Variants in FOCAD observed in about 807,000 individuals in gnomAD.
FOCAD encodes focadhesin, also known as KIAA1797.
FOCAD carries 198 observed loss-of-function variants against 225.6 expected under a neutral mutation model. The observed-to-expected ratio is 0.88, with a 90% CI of 0.78 to 0.99. The LOEUF (loss-of-function observed/expected upper bound fraction) is 0.99. Ranked by LOEUF, FOCAD falls within the 50% of genes least tolerant of loss-of-function variation. FOCAD has a pLI of 0.00. For synonymous variants in FOCAD, 897 were observed against 755.0 expected (o/e 1.19, Z -3.08); for missense variants, 2,713 against 2,123.6 (o/e 1.28, Z -5.46).
intron 11 of FOCAD, among the ~76,000 whole-genome samples, chr9:20,795,784 GA>G (rs1161085446): frequency 0.26 from 10,970 of 41,774 alleles, 275 homozygotes; most frequent in Middle Eastern, 0.35. Context: ...ACTCTGTCTC[GA>G]AAAAAAAAAA....
intron 1 of FOCAD, among the ~76,000 whole-genome samples, chr9:20,710,046 C>T (rs1824706377): frequency 6.6e-6 from 1 of 152,110 alleles, no homozygotes; most frequent in South Asian, 2.1e-4. Context: ...CATTCTGGGC[C>T]TGGATCAGAG....
intron 2 of FOCAD, among the ~76,000 whole-genome samples, chr9:20,669,681 A>T (rs1821998293): frequency 6.6e-6 from 1 of 152,270 alleles, no homozygotes; most frequent in South Asian, 2.1e-4. Context: ...AGGCTGAGGC[A>T]TGAGAATCGC....
intron 15 of FOCAD, among the ~76,000 whole-genome samples, chr9:20,862,297 C>T (rs1374605961): frequency 2.6e-5 from 4 of 151,600 alleles, no homozygotes; most frequent in East Asian, 1.9e-4. Flanking sequence ...TTGTGTGTGT[C>T]GGTGGGAGTG....
At chr9:20,750,589 G>C (rs1311710399) in intron 5 of FOCAD, among the ~76,000 whole-genome samples, 1 of 152,184 alleles carries the variant, frequency 6.6e-6, no homozygotes, top group East Asian at 1.9e-4. Flanking sequence ...TGACCTGACT[G>C]CCTGGTTTGT....
chr9:20,790,374 TC>T (rs1820394007), intron 11 of FOCAD, among the ~76,000 whole-genome samples: 1 of 152,244 alleles, frequency 6.6e-6, no homozygotes, highest in South Asian at 2.1e-4. Flanking sequence ...TGCTTGTGTT[TC>T]TTTTCAAGAA....
At chr9:20,664,641 CTT>C (rs558613749) in intron 2 of FOCAD, among the ~76,000 whole-genome samples, 2 of 138,506 alleles carry the variant, frequency 1.4e-5, no homozygotes, top group Non-Finnish European at 3.1e-5. Flanking sequence ...TCTTTCCTTT[CTT>C]TTTTTTTTTT....
At position 20,770,019 on chromosome 9, in the gene FOCAD, C is replaced by G. The variant is rs371251129; in HGVS notation, c.700-13C>G. 2.1e-5 allele frequency: 33 copies of G among 1,607,662 alleles called. No individual in the cohort carries two copies. The highest frequency in any genetic ancestry group is 2.7e-5 in the Non-Finnish European group (32 of 1,175,468). On this transcript the variant is annotated splice_polypyrimidine_tract_variant and intron_variant, in intron 7 of 43. Coordinates refer to ENST00000338382, the MANE Select transcript of FOCAD (RefSeq NM_001375567.1). Reference sequence around the variant, plus strand: ...TGTATTTTTTAATATCATATAATGACTTTTTTAAACAGGTAAAAGATTTGA... The same window carrying G: ...TGTATTTTTTAATATCATATAATGAGTTTTTTAAACAGGTAAAAGATTTGA...
intron 18 of FOCAD, chr9:20,874,078 A>C (rs1250805394): frequency 2.0e-5 from 3 of 152,160 alleles, no homozygotes; most frequent in Admixed American, 6.5e-5. Context: ...CAGCCACAAA[A>C]ATCCTCAAAA....
At chr9:20,963,109 A>T (rs1405513104) in intron 35 of FOCAD, among the ~76,000 whole-genome samples, 1 of 152,208 alleles carries the variant, frequency 6.6e-6, no homozygotes, top group Non-Finnish European at 1.5e-5. Context: ...TGTCTGAATC[A>T]GTTCCCTACA....
chr9:20,929,978 C>A (rs9407968), intron 27 of FOCAD, among the ~76,000 whole-genome samples: 88,914 of 151,866 alleles, frequency 0.59, 26,514 homozygotes, highest in South Asian at 0.69. Flanking sequence ...TTGTTGATAT[C>A]ATTGAAAATG....
At chr9:20,778,574 A>T in intron 8 of FOCAD, 107 bp from the exon 9 acceptor site, 1 of 607,752 alleles carries the variant, frequency 1.6e-6, no homozygotes, top group Non-Finnish European at 2.9e-6. Flanking sequence ...TTTGTGTAAT[A>T]GGCTTGCAGT....
At chr9:20,681,337 T>C (rs1291738037), upstream of FOCAD, among the ~76,000 whole-genome samples, 1 of 152,148 alleles carries the variant, frequency 6.6e-6, no homozygotes, top group Non-Finnish European at 1.5e-5. Context: ...CCTCAAGTTA[T>C]CCTCCCACTT....
In FOCAD at chr9:20,840,431, C is replaced by CATTTTATTTT. The variant is rs71334558; in HGVS notation, c.1920+17334_1920+17343dup. Among the ~76,000 whole-genome samples, 945 of 148,246 alleles carry CATTTTATTTT rather than the reference C, an allele frequency of 6.4e-3. 4 individuals carry two copies. Among genetic ancestry groups the CATTTTATTTT allele is most frequent in the Middle Eastern group, 0.018 (5 of 282 alleles). Reference sequence around the variant, plus strand: ...TATTTTATTTTATGTAGAGGTATATCATTTTATTTTATTTTATTTTATTTT... The same window carrying CATTTTATTTT: ...TATTTTATTTTATGTAGAGGTATATCATTTTATTTTATTTTATTTTATTTTATTTTATTTT... On this transcript the variant is annotated intron_variant, in intron 15 of 43. Coordinates refer to ENST00000338382, the MANE Select transcript of FOCAD (RefSeq NM_001375567.1).
At chr9:20,789,199 A>G (rs1820262906) in intron 10 of FOCAD, 152 bp from the exon 11 acceptor site, 1 of 789,494 alleles carries the variant, frequency 1.3e-6, no homozygotes, top group Non-Finnish European at 2.0e-6. Flanking sequence ...TACCTCAAAT[A>G]TGTGCAGAGA....
intron 25 of FOCAD, among the ~76,000 whole-genome samples, chr9:20,924,489 C>T (rs1344073521): frequency 1.3e-5 from 2 of 152,168 alleles, no homozygotes; most frequent in Non-Finnish European, 1.5e-5. Flanking sequence ...TAACAATGCT[C>T]ACCAGATAGG....
intron 4 of FOCAD, among the ~76,000 whole-genome samples, chr9:20,720,941 A>G (rs537224535): frequency 1.6e-4 from 25 of 152,350 alleles, no homozygotes; most frequent in African/African-American, 5.5e-4. Context: ...TGTATTAGAA[A>G]ATAATGGCAT....
chr9:20,812,969 C>G (rs555209234), intron 11 of FOCAD, among the ~76,000 whole-genome samples: 1 of 152,042 alleles, frequency 6.6e-6, no homozygotes, highest in South Asian at 2.1e-4. Flanking sequence ...ATCTCTAGAA[C>G]TTTTTTTATT....
chr9:20,715,335 A>G lies in FOCAD; in HGVS notation c.-19A>G, dbSNP rs1324431563. 2.0e-6 allele frequency: 3 copies of G among 1,499,312 alleles called. No homozygotes were observed. The highest frequency in any genetic ancestry group is 1.8e-4 in the Middle Eastern group (1 of 5,666). 92.9% of individuals were successfully genotyped at this position (1,499,312 alleles called of 1,614,324 possible). ...TTTTGGTTACAGAAGCTGCACACAT[A>G]CATGTAAGAGAAGCAAAAATGTCAG... On this transcript the variant is annotated 5_prime_UTR_variant, in exon 2 of 44. The change creates a new upstream start codon in the 5' untranslated region. Transcript: ENST00000338382.
chr9:20,876,521 A>G (rs1280601296), intron 19 of FOCAD, among the ~76,000 whole-genome samples: 1 of 152,134 alleles, frequency 6.6e-6, no homozygotes, highest in Non-Finnish European at 1.5e-5. Context: ...TGGATCTTCT[A>G]CATTGTTTGT....
Sources: gnomAD v4.1 joint callset for allele counts (sites outside exome capture counted in the v4.1 genomes callset) on GRCh38, gnomAD v4.1.1 for gene constraint, MANE v1.5 for transcripts, NCBI Gene and HGNC (gene_info 2026-07-23, HGNC 2026-07-21) for gene names.